The following SYNE2 variants were observed in gnomAD, a reference collection of about 807,000 sequenced individuals.
The protein encoded by SYNE2 is nesprin-2.
Under a neutral mutation model 856.3 loss-of-function variants are expected in SYNE2, and 431 were observed. That is an observed-to-expected ratio of 0.50 (90% CI 0.47 to 0.55). The LOEUF (loss-of-function observed/expected upper bound fraction) is 0.55, where lower values mean the gene tolerates loss of function less well. SYNE2 is among the 20% of genes least tolerant of loss of function. The probability of loss-of-function intolerance (pLI) is 0.00; values close to 1 mark genes in which losing one functional copy is unlikely to be tolerated. For synonymous variants in SYNE2, 2,923 were observed against 2,872.3 expected, an observed-to-expected ratio of 1.02 and a Z score of -0.56; for missense variants, 8,129 against 8,023.2, an observed-to-expected ratio of 1.01 and a Z score of -0.50.
intron 1 of SYNE2, among the ~76,000 whole-genome samples, chr14:63,781,489 T>C (rs1314659841): frequency 6.7e-6 from 1 of 149,096 alleles, no homozygotes; most frequent in Non-Finnish European, 1.5e-5. Flanking sequence ...TTTTTTTTTC[T>C]TTTTTTTTTC....
intron 87 of SYNE2, 33 bp from the exon 88 acceptor site, chr14:64,162,039 A>T: frequency 6.2e-7 from 1 of 1,613,084 alleles, no homozygotes; most frequent in Non-Finnish European, 8.5e-7. Context: ...AAAGGAGAGA[A>T]TGAGGGTTAT....
At chr14:64,135,047 TATC>T (rs2098073787) in intron 78 of SYNE2, among the ~76,000 whole-genome samples, 1 of 152,288 alleles carries the variant, frequency 6.6e-6, no homozygotes, top group South Asian at 2.1e-4. Context: ...TTTGCGTTGT[TATC>T]ATCTGTCTCT....
chr14:63,942,072 G>A lies in SYNE2; in HGVS notation c.337G>A (p.Val113Ile). 6.2e-7 allele frequency: 1 copy of A among 1,611,066 alleles called. No individual in the cohort carries two copies. The highest frequency in any genetic ancestry group is 1.1e-5 in the South Asian group (1 of 91,030). ...NRSIKLINIH[V>I]TDIIDGNPSI... The stretch of plus-strand genomic sequence containing the variant: ...CCAGATTAAGCTAATAAATATTCAT[G>A]TTACTGATATCATTGATGGAAACCC... Residue 113 changes from valine to isoleucine, a missense_variant, in exon 6 of 116, where the codon GTT becomes ATT. Physicochemically the swap from Val to Ile is conservative, Grantham distance 29 (BLOSUM62 3). Transcript: ENST00000555002.
chr14:63,781,453 G>T (rs1323633237), intron 1 of SYNE2, among the ~76,000 whole-genome samples: 1 of 151,750 alleles, frequency 6.6e-6, no homozygotes, highest in Non-Finnish European at 1.5e-5. Flanking sequence ...AAATAAATAA[G>T]TATATAGGAA....
intron 30 of SYNE2, 137 bp downstream of exon 30, chr14:64,003,467 T>G (rs1483583700): frequency 5.7e-6 from 7 of 1,224,820 alleles, no homozygotes; most frequent in Non-Finnish European, 7.1e-6. Flanking sequence ...AGCATTCTTT[T>G]CTGTAGACTT....
Position 64,017,625 on chromosome 14 carries a change from A to T in SYNE2, c.4918A>T (p.Asn1640Tyr), listed in dbSNP as rs749044975. ...INEKTEDYYE[N>Y]LGRALALWDK... ...TGAGAAGACAGAAGATTACTATGAA[A>T]ATCTTGGTCGAGCTCTAGCTTTGTG... The change falls in exon 34 of 116, where the codon AAT (asparagine) becomes TAT (tyrosine). Residue 1640 changes from asparagine (N) to tyrosine (Y), a missense_variant. Asn to Tyr is a moderately radical substitution (Grantham distance 143). This residue lies in a region of SYNE2 where 2,422 missense variants were observed against 2,357.4 expected (regional missense o/e 1.03). Coordinates refer to ENST00000555002, the MANE Select transcript of SYNE2 (RefSeq NM_182914.3). 1.9e-6 allele frequency: 3 copies of T among 1,613,164 alleles called. No homozygotes were observed. The highest frequency in any genetic ancestry group is 1.1e-5 in the South Asian group (1 of 91,052).
At chr14:64,172,231 AC>A (rs1282380120) in intron 94 of SYNE2, among the ~76,000 whole-genome samples, 18 of 152,258 alleles carry the variant, frequency 1.2e-4, no homozygotes, top group African/African-American at 4.3e-4. Context: ...CATCTCACTT[AC>A]CTATCGCTGC....
intron 11 of SYNE2, among the ~76,000 whole-genome samples, chr14:63,975,888 G>A (rs2096538502): frequency 2.6e-5 from 4 of 152,206 alleles, no homozygotes; most frequent in Admixed American, 2.0e-4. Flanking sequence ...ATGAATGAAC[G>A]TGTGAGTGAG....
At chr14:63,980,871 A>G in intron 15 of SYNE2, 115 bp from the exon 16 acceptor site, 1 of 1,053,784 alleles carries the variant, frequency 9.5e-7, no homozygotes, top group Non-Finnish European at 1.4e-6. Flanking sequence ...TTCACTTTTA[A>G]TATTGTCAGA....
chr14:64,166,443 G>A (rs180982023), intron 90 of SYNE2, among the ~76,000 whole-genome samples: 12 of 152,246 alleles, frequency 7.9e-5, no homozygotes, highest in East Asian at 3.9e-4. Context: ...AGAAGCTGTC[G>A]CTGGAATATC....
rs1273352870 is a variant in SYNE2, at chr14:63,963,961, A to G, written c.951A>G (p.Leu317=). The part of the protein sequence containing the change: ...TLQKEKLQKL[L]KDSENDTYFK... ...AAAAGGAAAAACTACAGAAGTTGCT[A>G]AAGGATTCAGAGAATGATACCTACT... is the stretch of plus-strand genomic sequence containing the variant. Residue 317 remains leucine (L), a synonymous_variant, in exon 10 of 116, where the codon CTA becomes CTG. Transcript: ENST00000555002. 1.9e-6 allele frequency: 3 copies of G among 1,612,166 alleles called. No individual in the cohort carries two copies. Among genetic ancestry groups the G allele is most frequent in the East Asian group, 4.5e-5 (2 of 44,774 alleles).
chr14:64,046,551 C>T (rs2097187591), intron 45 of SYNE2, among the ~76,000 whole-genome samples: 1 of 152,148 alleles, frequency 6.6e-6, no homozygotes, highest in South Asian at 2.1e-4. Flanking sequence ...TGGGGTTTCA[C>T]CGTGTTACCC....
At chr14:64,057,688 C>T (rs1325729034) in intron 49 of SYNE2, among the ~76,000 whole-genome samples, 1 of 152,090 alleles carries the variant, frequency 6.6e-6, no homozygotes, top group East Asian at 1.9e-4. Context: ...TTTTTGAGGA[C>T]CCTCCAAACA....
At chr14:64,016,989 T>C (rs1192906202) in intron 33 of SYNE2, among the ~76,000 whole-genome samples, 7 of 152,102 alleles carry the variant, frequency 4.6e-5, no homozygotes, top group Non-Finnish European at 8.8e-5. Flanking sequence ...TATTTTCATC[T>C]GGGTTTTTAA....
At chr14:64,222,680 C>A (rs543023408) in intron 112 of SYNE2, among the ~76,000 whole-genome samples, 1 of 152,138 alleles carries the variant, frequency 6.6e-6, no homozygotes, top group African/African-American at 2.4e-5. Context: ...GAGCCCAGAT[C>A]GTGCCACTGT....
chr14:64,225,436 C>T lies in SYNE2; in HGVS notation c.20634C>T (p.Ser6878=), dbSNP rs143162390. The change falls in exon 116 of 116, where the codon TCC becomes TCT. Residue 6878 remains serine, a synonymous_variant. Coordinates refer to ENST00000555002, the MANE Select transcript of SYNE2 (RefSeq NM_182914.3). ...TCCTGGCCTGCCTGCTGCCCTCCTC[C>T]GAAGAAGACTACAGCTGCACTCAGG... ...LLLLACLLPS[S]EEDYSCTQAN... 93 of 1,614,112 alleles carry T rather than the reference C, an allele frequency of 5.8e-5. No homozygotes were observed. The highest frequency in any genetic ancestry group is 2.6e-4 in the South Asian group (24 of 91,066).
chr14:64,066,254 C>G (rs564816850), intron 51 of SYNE2, among the ~76,000 whole-genome samples: 2 of 152,238 alleles, frequency 1.3e-5, no homozygotes, highest in Admixed American at 6.5e-5. Context: ...AATCCCAGCA[C>G]TTTGGGAGGC....
intron 66 of SYNE2, among the ~76,000 whole-genome samples, chr14:64,115,191 A>G (rs189966526): frequency 1.3e-5 from 2 of 152,330 alleles, no homozygotes; most frequent in Admixed American, 6.5e-5. Context: ...TGCCACTTGT[A>G]GTGAGTTCAA....
intron 1 of SYNE2, among the ~76,000 whole-genome samples, chr14:63,895,915 A>T (rs2095245555): frequency 6.6e-6 from 1 of 152,162 alleles, no homozygotes; most frequent in South Asian, 2.1e-4. Context: ...TCTGTGACTT[A>T]ATTTATTTAT....
Sources: gnomAD v4.1 joint callset for allele counts (sites outside exome capture counted in the v4.1 genomes callset) on GRCh38, gnomAD v4.1.1 for gene constraint, gnomAD v4.1.1 regional missense constraint, MANE v1.5 for transcripts, NCBI Gene and HGNC (gene_info 2026-07-23, HGNC 2026-07-21) for gene names.